Variants in FAF1 observed in about 807,000 individuals in gnomAD.
The protein encoded by FAF1 is FAS-associated factor 1.
Under a neutral mutation model 92.5 loss-of-function variants are expected in FAF1, and 25 were observed. The observed-to-expected ratio is 0.27, with a 90% CI of 0.20 to 0.38. FAF1 has a LOEUF of 0.38. FAF1 is among the 10% of genes least tolerant of loss of function. The pLI is 1.00. For synonymous variants in FAF1, 234 were observed against 273.2 expected (o/e 0.86, Z 1.42); for missense variants, 636 against 793.3 (o/e 0.80, Z 2.38).
intron 4 of FAF1, among the ~76,000 whole-genome samples, chr1:50,785,916 C>T (rs1199917292): frequency 1.3e-5 from 2 of 151,844 alleles, no homozygotes; most frequent in African/African-American, 4.8e-5. Flanking sequence ...TCACTTGAGC[C>T]CAAGAGTTCA....
intron 15 of FAF1, among the ~76,000 whole-genome samples, chr1:50,500,846 T>C (rs1217820842): frequency 1.3e-5 from 2 of 152,148 alleles, no homozygotes; most frequent in Admixed American, 6.5e-5. Context: ...CAAATATTAT[T>C]ACTACAATTA....
At chr1:50,882,515 T>C (rs1412615573) in intron 1 of FAF1, among the ~76,000 whole-genome samples, 6 of 151,806 alleles carry the variant, frequency 4.0e-5, no homozygotes, top group Non-Finnish European at 8.8e-5. Flanking sequence ...GGCAGAAGAA[T>C]GGCTTGAGCC....
At position 50,954,278 on chromosome 1, in the gene FAF1, A is replaced by C. The variant is rs1251854717; in HGVS notation, c.45+5489T>G. ...AAGGGCTTCTCAGAAAGTCTAAAAC[A>C]AAATATTACTACTAGTGAGAGTTGT... On this transcript the variant is annotated intron_variant, in intron 1 of 18. Transcript: ENST00000396153. 2.0e-5 allele frequency among the ~76,000 whole-genome samples: 3 copies of C among 152,328 alleles called. No homozygotes were observed. In the East Asian group the frequency reaches 5.8e-4, roughly 29 times the overall value.
At chr1:50,674,016 T>C (rs1311439603) in intron 7 of FAF1, among the ~76,000 whole-genome samples, 1 of 151,942 alleles carries the variant, frequency 6.6e-6, no homozygotes, top group African/African-American at 2.4e-5. Flanking sequence ...AGTGGCATGA[T>C]CTCGGCTCAC....
intron 2 of FAF1, among the ~76,000 whole-genome samples, chr1:50,822,319 A>G (rs1182375766): frequency 3.9e-5 from 6 of 152,214 alleles, no homozygotes; most frequent in African/African-American, 1.4e-4. Flanking sequence ...ACACAAGGGA[A>G]TATGAGGCAG....
chr1:50,464,868 G>A (rs2148991726), intron 18 of FAF1, among the ~76,000 whole-genome samples: 1 of 152,298 alleles, frequency 6.6e-6, no homozygotes, highest in Admixed American at 6.5e-5. Context: ...GCCAGCATTA[G>A]AACAAAGATC....
At chr1:50,830,841 G>GA (rs1164330369) in intron 2 of FAF1, among the ~76,000 whole-genome samples, 1 of 151,956 alleles carries the variant, frequency 6.6e-6, no homozygotes, top group Non-Finnish European at 1.5e-5. Context: ...TAAGAATAAA[G>GA]AAATTCTAGA....
At chr1:50,541,134 T>A (rs192290105) in intron 13 of FAF1, among the ~76,000 whole-genome samples, 5 of 152,308 alleles carry the variant, frequency 3.3e-5, no homozygotes. Flanking sequence ...TTAAAGCCAA[T>A]ACATTTTCTG....
chr1:50,748,864 G>T (rs932180096), intron 4 of FAF1, among the ~76,000 whole-genome samples: 1 of 152,114 alleles, frequency 6.6e-6, no homozygotes, highest in East Asian at 1.9e-4. Flanking sequence ...AAGAAGAGTG[G>T]GGGGAGAACT....
Position 50,555,246 on chromosome 1 carries a change from GACAC to G in FAF1, c.1268+11827_1268+11830del, listed in dbSNP as rs149689584. 1.9e-4 allele frequency among the ~76,000 whole-genome samples: 27 copies of G among 143,316 alleles called. No homozygotes were observed. In the South Asian group the frequency reaches 4.7e-3, roughly 25 times the overall value. The allele number at this position is 143,316 out of a possible 152,430, so 94.0% of individuals were successfully genotyped here. ...ACACATACACACACACCAGGACCCT[GACAC>G]ACACACACACACACCCCAGGACTCT... On this transcript the variant is annotated intron_variant, in intron 13 of 18. Coordinates refer to ENST00000396153, the MANE Select transcript of FAF1 (RefSeq NM_007051.3).
chr1:50,734,482 C>T (rs1039219484), intron 6 of FAF1, among the ~76,000 whole-genome samples: 1 of 152,084 alleles, frequency 6.6e-6, no homozygotes, highest in African/African-American at 2.4e-5. Context: ...AGCCTGTAAT[C>T]CCAGCACTTT....
chr1:50,710,361 C>G (rs1166700939), intron 6 of FAF1, among the ~76,000 whole-genome samples: 2 of 152,144 alleles, frequency 1.3e-5, no homozygotes, highest in Non-Finnish European at 2.9e-5. Context: ...ATTTGGCAAG[C>G]ATAATATTTA....
chr1:50,515,018 C>T (rs1444283286), intron 15 of FAF1, among the ~76,000 whole-genome samples: 2 of 152,138 alleles, frequency 1.3e-5, no homozygotes, highest in Non-Finnish European at 1.5e-5. Context: ...TTTCCCCATA[C>T]AATTTGTTCA....
In FAF1 at chr1:50,935,266, A is replaced by T. The variant is rs561858294; in HGVS notation, c.45+24501T>A. ...ATAATTAATAAAGATGTTGGCCTAT[A>T]CATATTTTTCTAGGAAGGATGATCA... On this transcript the variant is annotated intron_variant, in intron 1 of 18. Transcript: ENST00000396153. Among the ~76,000 whole-genome samples, 33 of 152,338 alleles carry T rather than the reference A, an allele frequency of 2.2e-4. 1 individual carries two copies. The South Asian group carries it at 6.8e-3, about 32-fold the overall frequency.
rs146570520 is a variant in FAF1 at position 50,758,457 on chromosome 1, T to G, written c.368-13682A>C. On this transcript the variant is annotated intron_variant, in intron 4 of 18. Transcript: ENST00000396153. ...CCTTTCCTATTCTTCATGTTATTGT[T>G]GTCATACCTGTACTTGTACACATTT... Among the ~76,000 whole-genome samples the G allele has an allele frequency of 9.6e-4, 146 of 152,394 alleles. 3 individuals are homozygous for G. In the East Asian group the frequency reaches 0.024, roughly 25 times the overall value.
chr1:50,497,122 CTTAAAG>C (rs922232304), intron 15 of FAF1, among the ~76,000 whole-genome samples: 44 of 151,602 alleles, frequency 2.9e-4, no homozygotes, highest in African/African-American at 1.0e-3. Context: ...AACCAAATTA[CTTAAAG>C]TTAATAATAA....
intron 8 of FAF1, among the ~76,000 whole-genome samples, chr1:50,630,371 C>T (rs1300350003): frequency 6.6e-6 from 1 of 152,128 alleles, no homozygotes; most frequent in African/African-American, 2.4e-5. Flanking sequence ...AATTTACAAA[C>T]ATCTGAAAAT....
intron 8 of FAF1, 61 bp from the exon 9 acceptor site, chr1:50,596,277 T>G: frequency 7.9e-7 from 1 of 1,262,538 alleles, no homozygotes; most frequent in Non-Finnish European, 1.2e-6. Context: ...CAAAAGGATT[T>G]GACTTTTCAG....
chr1:50,684,550 G>A (rs76743923), intron 7 of FAF1, among the ~76,000 whole-genome samples: 3,027 of 152,086 alleles, frequency 0.02, 101 homozygotes, highest in African/African-American at 0.07. Context: ...ATGATATACC[G>A]GTAAATGGCT....
Sources: allele counts gnomAD v4.1 joint callset (sites outside exome capture counted in the v4.1 genomes callset), GRCh38; gene constraint gnomAD v4.1.1; transcripts MANE v1.5; gene names NCBI Gene and HGNC (gene_info 2026-07-23, HGNC 2026-07-21).